Variants in WDR59 observed in about 807,000 individuals in gnomAD.
The protein encoded by WDR59 is GATOR2 complex protein WDR59.
WDR59 carries 100 observed loss-of-function variants against 131.2 expected under a neutral mutation model. That is an observed-to-expected ratio of 0.76 (90% CI 0.65 to 0.90). WDR59 has a LOEUF of 0.90. Ranked by LOEUF, WDR59 falls within the 40% of genes least tolerant of loss-of-function variation. The pLI is 0.00. For synonymous variants in WDR59, 601 were observed against 466.2 expected, an observed-to-expected ratio of 1.29 and a Z score of -3.72; for missense variants, 1,203 against 1,262.2, an observed-to-expected ratio of 0.95 and a Z score of 0.71.
rs1340191813 is a variant in WDR59, at chr16:74,985,106, G to A, written c.-89C>T. 2 of 1,327,698 alleles carry A rather than the reference G, an allele frequency of 1.5e-6. No homozygotes were observed. Among genetic ancestry groups the A allele is most frequent in the East Asian group, 2.5e-5 (1 of 39,716 alleles). The allele number at this position is 1,327,698 out of a possible 1,614,324, so 82.2% of individuals were successfully genotyped here. ...CGGGACCGTGCGCCCCACACAGCCA[G>A]AGAATCAGCCCCGACACGCCCCGTG... On this transcript the variant is annotated 5_prime_UTR_variant, in exon 1 of 26. Coordinates refer to ENST00000262144, the MANE Select transcript of WDR59 (RefSeq NM_030581.4).
intron 25 of WDR59, among the ~76,000 whole-genome samples, chr16:74,881,454 A>C (rs1964478425): frequency 6.6e-6 from 1 of 151,954 alleles, no homozygotes; most frequent in Non-Finnish European, 1.5e-5. Flanking sequence ...AGTCTCCCAA[A>C]GTGTTGGGAT....
chr16:74,953,300 C>T (rs916227562), intron 3 of WDR59, among the ~76,000 whole-genome samples: 27 of 151,684 alleles, frequency 1.8e-4, no homozygotes, highest in African/African-American at 5.8e-4. Context: ...GGTGAAAGCC[C>T]ATCTCTACTT....
chr16:74,910,352 C>A (rs1366167650), intron 14 of WDR59, among the ~76,000 whole-genome samples: 2 of 152,154 alleles, frequency 1.3e-5, no homozygotes, highest in African/African-American at 4.8e-5. Context: ...GCTTCCAACA[C>A]AGTGTAATAA....
intron 25 of WDR59, among the ~76,000 whole-genome samples, chr16:74,882,223 T>A (rs960579407): frequency 6.6e-5 from 10 of 152,236 alleles, no homozygotes; most frequent in Admixed American, 1.3e-4. Flanking sequence ...TTCAGGTGTT[T>A]TCCTGAAAAC....
At chr16:74,917,184 T>G (rs1437282647) in intron 11 of WDR59, among the ~76,000 whole-genome samples, 1 of 152,186 alleles carries the variant, frequency 6.6e-6, no homozygotes, top group Non-Finnish European at 1.5e-5. Context: ...CAGGTACTAC[T>G]GTGTGTGGTT....
chr16:74,932,141 T>C (rs1247221944), intron 8 of WDR59, among the ~76,000 whole-genome samples: 1 of 151,732 alleles, frequency 6.6e-6, no homozygotes, highest in Non-Finnish European at 1.5e-5. Flanking sequence ...TTACCTAAAC[T>C]GGAGTGCAGT....
At chr16:74,976,709 G>A (rs7205944) in intron 1 of WDR59, among the ~76,000 whole-genome samples, 1 of 152,084 alleles carries the variant, frequency 6.6e-6, no homozygotes, top group Admixed American at 6.6e-5. Context: ...CCAAAGTGCT[G>A]GGATTACAGG....
At position 74,965,764 on chromosome 16, in the gene WDR59, C is replaced by A; in HGVS notation, c.104+9G>T. 1 of 1,614,038 alleles carries A rather than the reference C, an allele frequency of 6.2e-7. No homozygotes were observed. Among genetic ancestry groups the A allele is most frequent in the Non-Finnish European group, 8.5e-7 (1 of 1,179,996 alleles). On this transcript the variant is annotated intron_variant, in intron 2 of 25. Transcript: ENST00000262144. ...AATCATGGCAGACAAACTCGGCAAGCTTACTTACCCAGAAAGCACTGCATG... is the reference window on the plus strand; with the variant it reads ...AATCATGGCAGACAAACTCGGCAAGATTACTTACCCAGAAAGCACTGCATG...
chr16:74,984,853 A>T lies in WDR59; in HGVS notation c.54+111T>A, dbSNP rs2034561106. ...TCGGCTAAGCCCCGCCCACCTCCTC[A>T]GTACGGGGCCTAGGGTCTCCCCGTA... On this transcript the variant is annotated intron_variant, in intron 1 of 25. Transcript: ENST00000262144. 2.0e-6 allele frequency: 3 copies of T among 1,473,676 alleles called. No individual in the cohort carries two copies. The African/African-American group carries it at 4.2e-5, about 21-fold the overall frequency. The allele number at this position is 1,473,676 out of a possible 1,614,324, so 91.3% of individuals were successfully genotyped here.
intron 8 of WDR59, 39 bp downstream of exon 8, chr16:74,938,111 A>G: frequency 2.1e-6 from 3 of 1,396,246 alleles, no homozygotes; most frequent in South Asian, 1.5e-5. Context: ...GATGCCACCC[A>G]AACACTGCTC....
chr16:74,892,092 T>G (rs937944026), intron 20 of WDR59, among the ~76,000 whole-genome samples: 5 of 152,216 alleles, frequency 3.3e-5, no homozygotes, highest in Admixed American at 2.6e-4. Context: ...ATTTGTCATG[T>G]TAAATCATAT....
Position 74,907,886 on chromosome 16 carries a change from G to A in WDR59, c.1712+1022C>T, listed in dbSNP as rs559376960. ...TGATGATCCCCATGTTACTGTTGAA[G>A]GAACTGAAGCTGAAGTTTAGATAAC... On this transcript the variant is annotated intron_variant, in intron 17 of 25. Coordinates refer to ENST00000262144, the MANE Select transcript of WDR59 (RefSeq NM_030581.4). Among the ~76,000 whole-genome samples, 11 of 152,320 alleles carry A rather than the reference G, an allele frequency of 7.2e-5. No homozygotes were observed. In the South Asian group the frequency reaches 2.3e-3, roughly 32 times the overall value.
At chr16:74,888,674 G>A (rs567372803) in intron 21 of WDR59, among the ~76,000 whole-genome samples, 1 of 152,202 alleles carries the variant, frequency 6.6e-6, no homozygotes, top group Admixed American at 6.5e-5. Flanking sequence ...TGTCTTCCCA[G>A]CTCCAAGGAA....
rs1459698428 is a variant in WDR59 at position 74,897,577 on chromosome 16, T to G, written c.1867-3765A>C. ...GAGACACCAGGCTTCTAGGTCCTTC[T>G]GTTTGATCCGTATTGGATGGATAAG... On this transcript the variant is annotated intron_variant, in intron 18 of 25. Transcript: ENST00000262144. Among the ~76,000 whole-genome samples the G allele has an allele frequency of 3.9e-5, 6 of 152,232 alleles. No individual in the cohort carries two copies. The East Asian group carries it at 1.2e-3, about 29-fold the overall frequency.
Position 74,892,495 on chromosome 16 carries a change from C to G in WDR59, c.2071G>C (p.Asp691His). The G allele has an allele frequency of 1.2e-6, 2 of 1,613,764 alleles. No homozygotes were observed. The highest frequency in any genetic ancestry group is 1.7e-6 in the Non-Finnish European group (2 of 1,179,766). The change falls in exon 20 of 26, where the codon GAT becomes CAT. Residue 691 changes from aspartate (D) to histidine (H), a missense_variant. Transcript: ENST00000262144. Reference protein sequence around the residue: ...AASALLVGRKDLVQVWSLATV... With the variant: ...AASALLVGRKHLVQVWSLATV... ...GGGATGGACAATACCTGGACAAGAT[C>G]CTTTCTTCCAACGAGCAAGGCAGAG... is the stretch of plus-strand genomic sequence containing the variant.
intron 8 of WDR59, among the ~76,000 whole-genome samples, chr16:74,927,604 A>G (rs2030953029): frequency 6.6e-6 from 1 of 151,094 alleles, no homozygotes; most frequent in African/African-American, 2.4e-5. Flanking sequence ...AAAAAAAAAA[A>G]AAAGAATTTC....
rs764633966 is a variant in WDR59, at chr16:74,909,813, G to A, written c.1485+9C>T. 2 of 1,607,808 alleles carry A rather than the reference G, an allele frequency of 1.2e-6. No individual in the cohort carries two copies. Among genetic ancestry groups the A allele is most frequent in the Non-Finnish European group, 1.7e-6 (2 of 1,178,808 alleles). ...GCCTAAGTTGGTATGACAGTTTCATGCTTCCCACCACAAAGGACTCAAGGC... is the reference window on the plus strand; with the variant it reads ...GCCTAAGTTGGTATGACAGTTTCATACTTCCCACCACAAAGGACTCAAGGC... On this transcript the variant is annotated intron_variant, in intron 15 of 25. Transcript: ENST00000262144.
chr16:74,891,798 T>C (rs1280802536), intron 20 of WDR59, among the ~76,000 whole-genome samples: 2 of 152,046 alleles, frequency 1.3e-5, no homozygotes, highest in African/African-American at 4.8e-5. Context: ...GTGGCACGCA[T>C]CTATAATCCC....
intron 12 of WDR59, 54 bp downstream of exon 12, chr16:74,916,073 A>G (rs1054335145): frequency 1.3e-5 from 21 of 1,613,688 alleles, no homozygotes; most frequent in Middle Eastern, 3.3e-4. Context: ...ATCTGCCACA[A>G]CTCTGCAATG....
Sources: allele counts gnomAD v4.1 joint callset (sites outside exome capture counted in the v4.1 genomes callset), GRCh38; gene constraint gnomAD v4.1.1; transcripts MANE v1.5; gene names NCBI Gene and HGNC (gene_info 2026-07-23, HGNC 2026-07-21).